The following FNIP2 variants were observed in gnomAD, a reference collection of about 807,000 sequenced individuals.
The protein encoded by FNIP2 is folliculin interacting protein 2, also known as folliculin-interacting protein 2.
A neutral mutation model predicts 108.7 loss-of-function variants in FNIP2; 32 were observed. The ratio of observed to expected loss-of-function variants is 0.29; its 90% CI spans 0.22 to 0.40. The LOEUF (loss-of-function observed/expected upper bound fraction) is 0.40. Among genes scored for constraint, FNIP2 ranks in the 10% least tolerant of loss-of-function variants. The pLI is 1.00. For missense variants in FNIP2, 1,202 were observed against 1,381.6 expected (o/e 0.87, Z 2.06); for synonymous variants, 480 against 496.7 (o/e 0.97, Z 0.45).
At chr4:158,838,418 G>T (rs990276418) in intron 7 of FNIP2, among the ~76,000 whole-genome samples, 1 of 151,770 alleles carries the variant, frequency 6.6e-6, no homozygotes, top group Non-Finnish European at 1.5e-5. Flanking sequence ...ATGGAGTTTC[G>T]CCATGTTGCT....
At chr4:158,871,464 TC>T in intron 14 of FNIP2, 3 of 985,334 alleles carry the variant, frequency 3.0e-6, no homozygotes, top group Non-Finnish European at 3.6e-6. Flanking sequence ...CTTGAGCATC[TC>T]CTCTGTGAAG....
intron 1 of FNIP2, among the ~76,000 whole-genome samples, chr4:158,781,595 AC>A (rs1393370591): frequency 6.6e-6 from 1 of 151,862 alleles, no homozygotes. Context: ...GCTCACAGCA[AC>A]CCCCGCCTCC....
Position 158,829,217 on chromosome 4 carries a change from A to G in FNIP2, c.373A>G (p.Lys125Glu). 6.2e-7 allele frequency: 1 copy of G among 1,610,928 alleles called. No individual in the cohort carries two copies. The highest frequency in any genetic ancestry group is 2.2e-5 in the East Asian group (1 of 44,796). ...ACATCATGCTAAGGAACAGCTTCCA[A>G]AGTACCAGGTACAACCATCCCTTCT... ...SSHHAKEQLP[K>E]YQYTRPASDV... The change falls in exon 3 of 17, where the codon AAG becomes GAG. Residue 125 changes from lysine (K) to glutamate (E), a missense_variant. Lys to Glu is a moderately conservative substitution (Grantham distance 56, BLOSUM62 1). Coordinates refer to ENST00000264433, the MANE Select transcript of FNIP2 (RefSeq NM_020840.3).
At chr4:158,793,277 C>A (rs1776480689) in intron 1 of FNIP2, among the ~76,000 whole-genome samples, 1 of 152,162 alleles carries the variant, frequency 6.6e-6, no homozygotes, top group Non-Finnish European at 1.5e-5. Flanking sequence ...GAGACGTGAT[C>A]TAGGAATCCT....
chr4:158,863,578 T>C (rs1437619429), intron 12 of FNIP2, among the ~76,000 whole-genome samples: 3 of 152,196 alleles, frequency 2.0e-5, no homozygotes, highest in African/African-American at 7.2e-5. Flanking sequence ...GCCACTTCCC[T>C]GTGTACAATG....
chr4:158,790,893 G>T (rs183834657), intron 1 of FNIP2, among the ~76,000 whole-genome samples: 3 of 151,620 alleles, frequency 2.0e-5, no homozygotes, highest in Non-Finnish European at 2.9e-5. Context: ...TTCTTATTTG[G>T]AGAGTTAGAT....
At chr4:158,786,223 A>G (rs2126439075) in intron 1 of FNIP2, among the ~76,000 whole-genome samples, 1 of 152,310 alleles carries the variant, frequency 6.6e-6, no homozygotes, top group Non-Finnish European at 1.5e-5. Context: ...TGCTGAAAAG[A>G]CCACTCTGTT....
intron 1 of FNIP2, among the ~76,000 whole-genome samples, chr4:158,782,795 A>G (rs1242555829): frequency 1.3e-5 from 2 of 152,208 alleles, no homozygotes; most frequent in African/African-American, 4.8e-5. Context: ...CCAATTGTCC[A>G]GTAATCTTAT....
intron 1 of FNIP2, among the ~76,000 whole-genome samples, chr4:158,797,453 G>A (rs192720164): frequency 7.2e-5 from 11 of 152,238 alleles, no homozygotes; most frequent in South Asian, 6.2e-4. Flanking sequence ...TAATCTTAGC[G>A]CCTTGGGAGG....
intron 1 of FNIP2, among the ~76,000 whole-genome samples, chr4:158,805,513 G>A (rs1776915865): frequency 6.6e-6 from 1 of 152,122 alleles, no homozygotes; most frequent in African/African-American, 2.4e-5. Context: ...GAGGGTTTAT[G>A]GCTGCTCGTT....
intron 6 of FNIP2, 68 bp downstream of exon 6, chr4:158,833,696 A>G (rs998340400): frequency 6.7e-7 from 1 of 1,492,690 alleles, no homozygotes; most frequent in Admixed American, 1.7e-5. Context: ...GTTTTGCTTT[A>G]TTTGAGTTTG....
intron 7 of FNIP2, among the ~76,000 whole-genome samples, chr4:158,850,921 G>A (rs142334766): frequency 2.9e-3 from 435 of 152,056 alleles, no homozygotes; most frequent in African/African-American, 1.0e-2. Context: ...TGCTACATCT[G>A]TGACTCTTAT....
At chr4:158,820,622 A>C (rs953304136) in intron 1 of FNIP2, among the ~76,000 whole-genome samples, 1 of 152,230 alleles carries the variant, frequency 6.6e-6, no homozygotes, top group Non-Finnish European at 1.5e-5. Flanking sequence ...TAAAATTTAA[A>C]GTCCTTCACA....
chr4:158,859,171 A>C lies in FNIP2; in HGVS notation c.972A>C (p.Glu324Asp). ...SIIFSLCEKE[E>D]AQRNFQDFFF... is the part of the protein sequence containing the mutation. The stretch of plus-strand genomic sequence containing the variant: ...TCTTTTCCCTATGTGAGAAAGAAGA[A>C]GCACAAAGGAATTTCCAGGACTTCT... Residue 324 changes from glutamate (E) to aspartate (D), a missense_variant, in exon 9 of 17, where the codon GAA becomes GAC. Glu to Asp is a conservative substitution (Grantham distance 45). This residue lies in a region of FNIP2 where 878 missense variants were observed against 990.3 expected (regional missense o/e 0.89). Transcript: ENST00000264433. 1 of 1,613,950 alleles carries C rather than the reference A, an allele frequency of 6.2e-7. No individual in the cohort carries two copies. The highest frequency in any genetic ancestry group is 1.1e-5 in the South Asian group (1 of 91,052).
chr4:158,896,257 A>G (rs1006593102), intron 16 of FNIP2, among the ~76,000 whole-genome samples: 1 of 149,846 alleles, frequency 6.7e-6, no homozygotes, highest in African/African-American at 2.5e-5. Context: ...GTAGGTTGGC[A>G]CATTCCACCT....
In FNIP2 at chr4:158,903,519, G is replaced by A. The variant is rs375911374; in HGVS notation, c.3267-947G>A. Among the ~76,000 whole-genome samples the A allele has an allele frequency of 6.6e-5, 10 of 152,278 alleles. 1 individual carries two copies. In the East Asian group the frequency reaches 1.5e-3, roughly 23 times the overall value. On this transcript the variant is annotated intron_variant, in intron 16 of 16. Transcript: ENST00000264433. ...GACCCTTACAGGTGTGCATCAACAC[G>A]TGTAATCATAAGCTTTTATTCCCCT... is the stretch of plus-strand genomic sequence containing the variant.
intron 7 of FNIP2, among the ~76,000 whole-genome samples, chr4:158,849,776 G>T (rs1373039225): frequency 6.6e-6 from 1 of 151,822 alleles, no homozygotes; most frequent in Non-Finnish European, 1.5e-5. Flanking sequence ...AGCTTACTGG[G>T]GCCAGCCACA....
chr4:158,811,198 C>T (rs1021049007), intron 1 of FNIP2, among the ~76,000 whole-genome samples: 2 of 152,168 alleles, frequency 1.3e-5, no homozygotes, highest in Non-Finnish European at 2.9e-5. Flanking sequence ...TACACCCATC[C>T]ATCAGCCTTA....
chr4:158,769,283 C>T lies in FNIP2; in HGVS notation c.71C>T (p.Ala24Val), dbSNP rs1375433296. ...AGCGGCAGCTCCGCGGCGGCGTCTGCCCAGGGCAGGGCTCCTAAGGAAGGA... is the reference window on the plus strand; with the variant it reads ...AGCGGCAGCTCCGCGGCGGCGTCTGTCCAGGGCAGGGCTCCTAAGGAAGGA... ...GSSGSSAAAS[A>V]QGRAPKEGPA... The change falls in exon 1 of 17, where the codon GCC (alanine) becomes GTC (valine). Residue 24 changes from alanine to valine, a missense_variant. Coordinates refer to ENST00000264433, the MANE Select transcript of FNIP2 (RefSeq NM_020840.3). The T allele has an allele frequency of 1.3e-6, 2 of 1,540,472 alleles. No individual in the cohort carries two copies. Among genetic ancestry groups the T allele is most frequent in the Admixed American group, 2.0e-5 (1 of 51,168 alleles).
Sources: gnomAD v4.1 joint callset for allele counts (sites outside exome capture counted in the v4.1 genomes callset) on GRCh38, gnomAD v4.1.1 for gene constraint, gnomAD v4.1.1 regional missense constraint, MANE v1.5 for transcripts, NCBI Gene and HGNC (gene_info 2026-07-23, HGNC 2026-07-21) for gene names.